The following PKD1L1 variants were observed in gnomAD, a reference collection of about 807,000 sequenced individuals.
The protein encoded by PKD1L1 is polycystin 1 like 1, transient receptor potential channel interacting.
PKD1L1 carries 236 observed loss-of-function variants against 323.4 expected under a neutral mutation model. The ratio of observed to expected loss-of-function variants is 0.73; its 90% confidence interval spans 0.66 to 0.81. The LOEUF (loss-of-function observed/expected upper bound fraction) is 0.81, where lower values mean the gene tolerates loss of function less well. Ranked by LOEUF, PKD1L1 falls within the 40% of genes least tolerant of loss-of-function variation. PKD1L1 has a pLI of 0.00. For synonymous variants in PKD1L1, 1,344 were observed against 1,335.0 expected, an observed-to-expected ratio of 1.01 and a Z score of -0.15; for missense variants, 3,320 against 3,508.0, an observed-to-expected ratio of 0.95 and a Z score of 1.35.
intron 26 of PKD1L1, among the ~76,000 whole-genome samples, chr7:47,860,569 G>A (rs764928962): frequency 1.1e-4 from 16 of 152,272 alleles, no homozygotes; most frequent in South Asian, 2.1e-4. Context: ...TTGGAAATGC[G>A]TTTAAACTAC....
chr7:47,795,840 C>T, intron 55 of PKD1L1, 149 bp downstream of exon 55: 3 of 924,610 alleles, frequency 3.2e-6, no homozygotes, highest in Non-Finnish European at 1.7e-6. Context: ...ATGAGTTCCA[C>T]TATGATTGAG....
rs1005624695 is a variant in PKD1L1 at position 47,781,394 on chromosome 7, TTTTTGTTTTGTTTTG to T, written c.8527-6243_8527-6229del. On this transcript the variant is annotated intron_variant, in intron 56 of 56. Transcript: ENST00000289672. ...TCATTTGCAGAACAAAAGGTTTTTT[TTTTTGTTTTGTTTTG>T]TTTTTTTTTTTTTTTTTGAGACAGA... Among the ~76,000 whole-genome samples, 19 of 81,392 alleles carry T rather than the reference TTTTTGTTTTGTTTTG, an allele frequency of 2.3e-4. 1 individual carries two copies. The highest frequency in any genetic ancestry group is 7.8e-4 in the South Asian group (2 of 2,574). 53.4% of individuals were successfully genotyped at this position (81,392 alleles called of 152,430 possible).
intron 44 of PKD1L1, among the ~76,000 whole-genome samples, chr7:47,829,093 T>C (rs1450715832): frequency 6.6e-6 from 1 of 151,678 alleles, no homozygotes; most frequent in Non-Finnish European, 1.5e-5. Context: ...TGGGGAGGAG[T>C]ACATTTTCTG....
chr7:47,836,908 C>A lies in PKD1L1; in HGVS notation c.5943+13G>T, dbSNP rs745931803. 6.2e-7 allele frequency: 1 copy of A among 1,610,718 alleles called. No individual in the cohort carries two copies. The highest frequency in any genetic ancestry group is 8.5e-7 in the Non-Finnish European group (1 of 1,178,268). On this transcript the variant is annotated intron_variant, in intron 37 of 56. Coordinates refer to ENST00000289672, the MANE Select transcript of PKD1L1 (RefSeq NM_138295.5). ...ATCTGGAAGCTGCTATAAGGAAAAG[C>A]GATGGCTCTCACCTGCTCTTGCCCT...
chr7:47,943,925 T>C (rs952438682), intron 1 of PKD1L1, among the ~76,000 whole-genome samples: 1 of 152,162 alleles, frequency 6.6e-6, no homozygotes, highest in African/African-American at 2.4e-5. Context: ...TAAGAGCACA[T>C]TCTTCCAGCC....
At chr7:47,776,434 C>A (rs1482733934) in intron 56 of PKD1L1, among the ~76,000 whole-genome samples, 1 of 152,222 alleles carries the variant, frequency 6.6e-6, no homozygotes, top group South Asian at 2.1e-4. Context: ...TTGAGGAATT[C>A]TCCTCCAGGT....
intron 26 of PKD1L1, among the ~76,000 whole-genome samples, chr7:47,861,910 T>C (rs527483653): frequency 0.018 from 2,055 of 113,322 alleles, 81 homozygotes; most frequent in African/African-American, 0.061. Flanking sequence ...AAAAAAACAA[T>C]TGGGCCAGGC....
At chr7:47,879,409 C>A (rs62447071) in intron 21 of PKD1L1, among the ~76,000 whole-genome samples, 54,513 of 151,468 alleles carry the variant, frequency 0.36, 11,102 homozygotes, top group African/African-American at 0.56. Flanking sequence ...AGGTGGATCG[C>A]TCACTTGAGG....
chr7:47,928,985 T>C (rs1232397186), intron 7 of PKD1L1, among the ~76,000 whole-genome samples: 4 of 152,174 alleles, frequency 2.6e-5, no homozygotes, highest in African/African-American at 9.7e-5. Context: ...AAAGATTAAA[T>C]GCAATGAAGT....
chr7:47,945,586 A>G (rs903493479), intron 1 of PKD1L1, among the ~76,000 whole-genome samples: 4 of 152,344 alleles, frequency 2.6e-5, no homozygotes, highest in African/African-American at 9.6e-5. Context: ...ATAAAAAATA[A>G]CAATAATAGA....
chr7:47,905,577 T>G (rs910817569), intron 10 of PKD1L1, among the ~76,000 whole-genome samples: 1 of 152,228 alleles, frequency 6.6e-6, no homozygotes, highest in Non-Finnish European at 1.5e-5. Context: ...CCTTTGAGAT[T>G]CTGCTAGAAA....
At chr7:47,954,221 G>A in the PKD1L1 span, among the ~76,000 whole-genome samples, 11 of 152,150 alleles carry the variant, frequency 7.2e-5, no homozygotes, top group African/African-American at 2.4e-4. Flanking sequence ...GTGTGCTGCC[G>A]TGAACTGGCA....
chr7:47,806,460 G>C (rs1357194688), intron 52 of PKD1L1, among the ~76,000 whole-genome samples: 2 of 152,186 alleles, frequency 1.3e-5, no homozygotes, highest in East Asian at 1.9e-4. Context: ...AGTAGGAAGC[G>C]GGTTGACTAG....
At chr7:47,917,654 C>T (rs1027485830) in intron 7 of PKD1L1, among the ~76,000 whole-genome samples, 8 of 152,158 alleles carry the variant, frequency 5.3e-5, no homozygotes, top group South Asian at 4.2e-4. Flanking sequence ...CCCTATAAGC[C>T]GGAAGGGTTT....
At position 47,888,032 on chromosome 7, in the gene PKD1L1, C is replaced by A. The variant is rs773071202; in HGVS notation, c.2794G>T (p.Asp932Tyr). The change falls in exon 17 of 57, where the codon GAT (aspartate) becomes TAT (tyrosine). Residue 932 changes from aspartate to tyrosine, a missense_variant. Asp to Tyr is a radical substitution (Grantham distance 160, BLOSUM62 -3). Coordinates refer to ENST00000289672, the MANE Select transcript of PKD1L1 (RefSeq NM_138295.5). ...TCTGTTGCATTGACTAAAAAGAGATCCCAGGAATAAGACAGATTCGGTATT... is the reference window on the plus strand; with the variant it reads ...TCTGTTGCATTGACTAAAAAGAGATACCAGGAATAAGACAGATTCGGTATT... ...SEIPNLSYSW[D>Y]LFLVNATEKN... is the part of the protein sequence containing the mutation. 6.2e-7 allele frequency: 1 copy of A among 1,613,720 alleles called. No homozygotes were observed.
chr7:47,944,754 G>C (rs535336015), intron 1 of PKD1L1, among the ~76,000 whole-genome samples: 1 of 152,214 alleles, frequency 6.6e-6, no homozygotes, highest in South Asian at 2.1e-4. Context: ...AGAGATCATC[G>C]TGGGTCATCA....
At position 47,835,125 on chromosome 7, in the gene PKD1L1, G is replaced by T; in HGVS notation, c.6054+8C>A. 6.2e-7 allele frequency: 1 copy of T among 1,600,766 alleles called. No individual in the cohort carries two copies. The highest frequency in any genetic ancestry group is 8.5e-7 in the Non-Finnish European group (1 of 1,172,306). On this transcript the variant is annotated splice_region_variant and intron_variant, in intron 38 of 56. Transcript: ENST00000289672. Reference sequence around the variant, plus strand: ...GAGAACAGGGCCATGAGGACAAGTCGCAGGTACCTTGCTGAGCCTGAAGAG... The same window carrying T: ...GAGAACAGGGCCATGAGGACAAGTCTCAGGTACCTTGCTGAGCCTGAAGAG...
Position 47,809,552 on chromosome 7 carries a change from A to C in PKD1L1, c.7607T>G (p.Ile2536Ser). 1 of 1,605,658 alleles carries C rather than the reference A, an allele frequency of 6.2e-7. No homozygotes were observed. Among genetic ancestry groups the C allele is most frequent in the Non-Finnish European group, 8.5e-7 (1 of 1,176,820 alleles). Residue 2536 changes from isoleucine to serine, a missense_variant, in exon 51 of 57, where the codon ATC becomes AGC. Coordinates refer to ENST00000289672, the MANE Select transcript of PKD1L1 (RefSeq NM_138295.5). Reference sequence around the variant, plus strand: ...ACGGTAGAGTTGAACACAGAGGTGGATCAGGCTGAGTGCCAGGAAGACCAG... The same window carrying C: ...ACGGTAGAGTTGAACACAGAGGTGGCTCAGGCTGAGTGCCAGGAAGACCAG... ...PQLVFLALSL[I>S]HLCVQLYRMM... is the part of the protein sequence containing the mutation.
At position 47,846,894 on chromosome 7, in the gene PKD1L1, T is replaced by A. The variant is rs200250943; in HGVS notation, c.5138A>T (p.Glu1713Val). Residue 1713 changes from glutamate (E) to valine (V), a missense_variant, in exon 32 of 57, where the codon GAA (glutamate) becomes GTA (valine). Transcript: ENST00000289672. Reference protein sequence around the residue: ...RFSPQPGTSPEKVNCSYHRLA... With the variant: ...RFSPQPGTSPVKVNCSYHRLA... ...GTGTCTATACCTGCAGTTCACTTTT[T>A]CAGGAGAAGTCCCTGGTTGTGGAGA... The A allele has an allele frequency of 4.5e-5, 72 of 1,602,222 alleles. No homozygotes were observed. Among genetic ancestry groups the A allele is most frequent in the Non-Finnish European group, 5.9e-5 (69 of 1,177,120 alleles).
Sources: gnomAD v4.1 joint callset for allele counts (sites outside exome capture counted in the v4.1 genomes callset) on GRCh38, gnomAD v4.1.1 for gene constraint, MANE v1.5 for transcripts, NCBI Gene and HGNC (gene_info 2026-07-23, HGNC 2026-07-21) for gene names.